The following DEPDC5 variants were observed in gnomAD, a reference collection of about 807,000 sequenced individuals.
DEPDC5 encodes the protein DEP domain containing 5, GATOR1 subcomplex subunit, also known as GATOR1 complex protein DEPDC5.
A neutral mutation model predicts 217.3 loss-of-function variants in DEPDC5; 73 were observed. The ratio of observed to expected loss-of-function variants is 0.34; its 90% CI spans 0.28 to 0.41. DEPDC5 has a LOEUF of 0.41. Among genes scored for constraint, DEPDC5 ranks in the 10% least tolerant of loss-of-function variants. The pLI, the probability that DEPDC5 is intolerant of heterozygous loss-of-function variation, is 1.00. For synonymous variants in DEPDC5, 733 were observed against 756.7 expected (o/e 0.97, Z 0.51); for missense variants, 1,675 against 2,070.1 (o/e 0.81, Z 3.70).
At chr22:31,821,456 T>C in intron 22 of DEPDC5, 46 bp from the exon 23 acceptor site, 1 of 1,609,658 alleles carries the variant, frequency 6.2e-7, no homozygotes, top group South Asian at 1.1e-5. Context: ...TGCACAGCAC[T>C]AGCTATCAGG....
intron 10 of DEPDC5, among the ~76,000 whole-genome samples, chr22:31,789,021 C>G (rs935373217): frequency 1.3e-5 from 2 of 152,086 alleles, no homozygotes; most frequent in African/African-American, 4.8e-5. Context: ...CTCAGCCTGC[C>G]AAGTAGCTGG....
intron 38 of DEPDC5, among the ~76,000 whole-genome samples, chr22:31,885,903 G>A (rs1293462808): frequency 2.6e-5 from 4 of 151,744 alleles, no homozygotes; most frequent in South Asian, 4.2e-4. Context: ...GTGTGGTGGC[G>A]GGCACATGTA....
intron 38 of DEPDC5, among the ~76,000 whole-genome samples, chr22:31,882,339 C>T (rs1410148995): frequency 6.6e-6 from 1 of 152,190 alleles, no homozygotes; most frequent in Non-Finnish European, 1.5e-5. Flanking sequence ...GAAAAGTCAA[C>T]TTCCCACTCC....
chr22:31,801,919 C>G (rs183993423), intron 14 of DEPDC5, among the ~76,000 whole-genome samples: 3 of 151,702 alleles, frequency 2.0e-5, no homozygotes, highest in Middle Eastern at 3.4e-3. Context: ...ATCATAGAGG[C>G]TAGAAATAAA....
intron 27 of DEPDC5, among the ~76,000 whole-genome samples, chr22:31,842,575 C>CAAAAAAAAAAAAAAAAAAA (rs56671305): frequency 1.4e-5 from 1 of 73,508 alleles, no homozygotes; most frequent in African/African-American, 4.8e-5. Flanking sequence ...AACTCCATCT[C>CAAAAAAAAAAAAAAAAAAA]AAAAAAAAAA....
At chr22:31,879,984 A>C in intron 38 of DEPDC5, 2 of 536,484 alleles carry the variant, frequency 3.7e-6, no homozygotes, top group Non-Finnish European at 6.8e-6. Flanking sequence ...AAATCAGAAC[A>C]TAGTGCCAGA....
intron 24 of DEPDC5, 141 bp from the exon 25 acceptor site, chr22:31,833,774 T>A (rs1232205131): frequency 2.3e-5 from 14 of 616,490 alleles, no homozygotes; most frequent in Non-Finnish European, 3.9e-5. Context: ...TCTTTTGTAC[T>A]GTTTGAAATA....
chr22:31,756,199 G>T (rs930496773), intron 2 of DEPDC5, among the ~76,000 whole-genome samples: 1 of 152,020 alleles, frequency 6.6e-6, no homozygotes, highest in Non-Finnish European at 1.5e-5. Flanking sequence ...TTTTAACATT[G>T]TATTTTAGGG....
intron 37 of DEPDC5, among the ~76,000 whole-genome samples, chr22:31,877,436 CAAAAAAAAAAAAAAAAAAA>C (rs71184527): frequency 4.8e-5 from 1 of 21,004 alleles, no homozygotes; most frequent in Admixed American, 1.1e-3. Context: ...GACTCCATCT[CAAAAAAAAAAAAAAAAAAA>C]AAAAAAAAAA....
At chr22:31,774,088 A>G (rs1425975305) in intron 7 of DEPDC5, among the ~76,000 whole-genome samples, 1 of 151,988 alleles carries the variant, frequency 6.6e-6, no homozygotes, top group Non-Finnish European at 1.5e-5. Context: ...ACAAAACAAA[A>G]CAACAACAAC....
At chr22:31,766,896 A>G (rs2082864074) in intron 6 of DEPDC5, among the ~76,000 whole-genome samples, 1 of 152,088 alleles carries the variant, frequency 6.6e-6, no homozygotes, top group South Asian at 2.1e-4. Context: ...AGGAAGTTAT[A>G]CTGTATTTTA....
chr22:31,800,271 A>G lies in DEPDC5; in HGVS notation c.946+1615A>G, dbSNP rs560153773. Among the ~76,000 whole-genome samples, 3 of 152,282 alleles carry G rather than the reference A, an allele frequency of 2.0e-5. No homozygotes were observed. The East Asian group carries it at 5.8e-4, about 29-fold the overall frequency. ...GTCTAACCTCCTAGGAATGCAGACTAGCAGGTGTGAGCCTCATTTTACCCA... is the reference window on the plus strand; with the variant it reads ...GTCTAACCTCCTAGGAATGCAGACTGGCAGGTGTGAGCCTCATTTTACCCA... On this transcript the variant is annotated intron_variant, in intron 14 of 42. Coordinates refer to ENST00000651528, the MANE Select transcript of DEPDC5 (RefSeq NM_001242896.3).
At chr22:31,856,770 GTTTT>G (rs1031599922) in intron 31 of DEPDC5, among the ~76,000 whole-genome samples, 18 of 151,772 alleles carry the variant, frequency 1.2e-4, no homozygotes, top group African/African-American at 2.2e-4. Context: ...TGTTAATGCA[GTTTT>G]TTGTTTGTTT....
At chr22:31,813,384 A>G (rs889441201) in intron 20 of DEPDC5, among the ~76,000 whole-genome samples, 2 of 152,200 alleles carry the variant, frequency 1.3e-5, no homozygotes, top group African/African-American at 4.8e-5. Context: ...TTGTGTCTTA[A>G]TTGGTGCTAC....
chr22:31,775,688 C>T (rs1448733990), intron 7 of DEPDC5, among the ~76,000 whole-genome samples: 3 of 152,096 alleles, frequency 2.0e-5, no homozygotes, highest in South Asian at 2.1e-4. Context: ...TAATTGAGCA[C>T]GCCCTATCCT....
intron 25 of DEPDC5, among the ~76,000 whole-genome samples, chr22:31,834,865 A>C (rs1268612965): frequency 5.3e-5 from 8 of 152,132 alleles, no homozygotes; most frequent in Non-Finnish European, 1.5e-5. Flanking sequence ...CTATTTGTTC[A>C]GGTCCCTCCT....
intron 27 of DEPDC5, among the ~76,000 whole-genome samples, chr22:31,840,175 G>A (rs1190397654): frequency 1.3e-5 from 2 of 152,054 alleles, no homozygotes; most frequent in East Asian, 1.9e-4. Flanking sequence ...TTTAATATGG[G>A]GCCCTATCTA....
chr22:31,901,099 C>T (rs577687502), intron 40 of DEPDC5, among the ~76,000 whole-genome samples: 35 of 151,396 alleles, frequency 2.3e-4, no homozygotes, highest in African/African-American at 6.5e-4. Flanking sequence ...AAAAGTTAGC[C>T]GGGTGTGGTG....
Position 31,769,122 on chromosome 22 carries a change from T to G in DEPDC5, c.413+259T>G, listed in dbSNP as rs982171547. On this transcript the variant is annotated intron_variant, in intron 7 of 42. Coordinates refer to ENST00000651528, the MANE Select transcript of DEPDC5 (RefSeq NM_001242896.3). ...AAAAATACAAAAAATTAGCTGGGCG[T>G]GGTGGCGGGCGCCTGTAGTCGCAGC... 13 of 232,388 alleles carry G rather than the reference T, an allele frequency of 5.6e-5. No homozygotes were observed. The East Asian group carries it at 1.3e-3, about 23-fold the overall frequency. 14.4% of individuals were successfully genotyped at this position (232,388 alleles called of 1,614,324 possible).
Sources: allele counts gnomAD v4.1 joint callset (sites outside exome capture counted in the v4.1 genomes callset), GRCh38; gene constraint gnomAD v4.1.1; transcripts MANE v1.5; gene names NCBI Gene and HGNC (gene_info 2026-07-23, HGNC 2026-07-21).